Variants in IQSEC3 observed in about 807,000 individuals in gnomAD.
IQSEC3 encodes the protein IQ motif and Sec7 domain ArfGEF 3.
Under a neutral mutation model 105.4 loss-of-function variants are expected in IQSEC3, and 50 were observed. That is an observed-to-expected ratio of 0.47 (90% confidence interval 0.38 to 0.60). The LOEUF (loss-of-function observed/expected upper bound fraction) is 0.60, where lower values mean the gene tolerates loss of function less well. Ranked by LOEUF, IQSEC3 falls within the 20% of genes least tolerant of loss-of-function variation. The pLI is 0.00. For synonymous variants in IQSEC3, 708 were observed against 746.0 expected, an observed-to-expected ratio of 0.95 and a Z score of 0.83; for missense variants, 1,415 against 1,630.0, an observed-to-expected ratio of 0.87 and a Z score of 2.27.
chr12:87,786 A>G (rs782584711), intron 1 of IQSEC3, among the ~76,000 whole-genome samples: 2 of 152,236 alleles, frequency 1.3e-5, no homozygotes, highest in Admixed American at 1.3e-4. Context: ...GAAGGCAAAC[A>G]GCTCTTCCTT....
chr12:174,907 C>T lies in IQSEC3; in HGVS notation c.3423C>T (p.Val1141=). ...CCCTGGGCGGTCCCGGCTCTCCGGT[C>T]AAGGTCACCCACCAGCCTCCGCTGC... ...STPLGGPGSP[V]KVTHQPPLPP... Residue 1141 remains valine, a synonymous_variant, in exon 14 of 14, where the codon GTC becomes GTT. Transcript: ENST00000538872. 6.4e-7 allele frequency: 1 copy of T among 1,559,008 alleles called. No homozygotes were observed.
At chr12:70,989 A>C (rs748943053) in intron 1 of IQSEC3, among the ~76,000 whole-genome samples, 62 of 152,184 alleles carry the variant, frequency 4.1e-4, no homozygotes, top group Non-Finnish European at 8.1e-4. Flanking sequence ...CAAACACTTT[A>C]TCTCTCCCAT....
intron 1 of IQSEC3, among the ~76,000 whole-genome samples, chr12:75,681 C>T (rs1272584627): frequency 6.6e-6 from 1 of 152,248 alleles, no homozygotes; most frequent in Non-Finnish European, 1.5e-5. Flanking sequence ...AGATGAGAGT[C>T]AAACTCAACA....
intron 11 of IQSEC3, 134 bp downstream of exon 11, chr12:166,024 C>T: frequency 1.1e-6 from 1 of 924,652 alleles, no homozygotes; most frequent in Non-Finnish European, 1.6e-6. Flanking sequence ...GGCCCCACCG[C>T]ACCACACTCC....
intron 3 of IQSEC3, among the ~76,000 whole-genome samples, chr12:132,363 A>G (rs1230987617): frequency 1.3e-5 from 2 of 152,230 alleles, no homozygotes; most frequent in Middle Eastern, 3.4e-3. Context: ...TTAGGGTTGG[A>G]AAACCAGGAA....
Position 138,921 on chromosome 12 carries a change from G to A in IQSEC3, c.1558G>A (p.Ala520Thr), listed in dbSNP as rs781845077. The A allele has an allele frequency of 6.3e-6, 10 of 1,599,452 alleles. No individual in the cohort carries two copies. Among genetic ancestry groups the A allele is most frequent in the Non-Finnish European group, 8.5e-6 (10 of 1,174,008 alleles). Residue 520 changes from alanine to threonine, a missense_variant, in exon 4 of 14, where the codon GCA becomes ACA. Physicochemically the swap from Ala to Thr is moderately conservative, Grantham distance 58. Around this residue, in one of 6 missense-constraint regions of IQSEC3, gnomAD observed 720 missense variants for 633.0 expected, o/e 1.14. Coordinates refer to ENST00000538872, the MANE Select transcript of IQSEC3 (RefSeq NM_001170738.2). The surrounding 1 kb of genome is among the most constrained non-coding windows in gnomAD (Gnocchi z 7.1). ...GGGCGCTCAGACGGTCCAGGCCCCC[G>A]CAGAGCCCGCGGCGGGCAAGGCCGA... ...CLGAQTVQAP[A>T]EPAAGKAEQG...
chr12:124,318 G>A (rs577097578), intron 2 of IQSEC3, among the ~76,000 whole-genome samples: 1 of 151,488 alleles, frequency 6.6e-6, no homozygotes, highest in South Asian at 2.1e-4. Flanking sequence ...GAATCCAGGA[G>A]GTGGAGGTTG....
intron 2 of IQSEC3, among the ~76,000 whole-genome samples, chr12:118,794 C>T (rs868963378): frequency 2.6e-5 from 4 of 152,336 alleles, no homozygotes; most frequent in African/African-American, 7.2e-5. Flanking sequence ...CCCTCCTCTC[C>T]TGGCTCTCAC....
At chr12:117,982 G>C (rs369812551) in intron 2 of IQSEC3, among the ~76,000 whole-genome samples, 1 of 152,340 alleles carries the variant, frequency 6.6e-6, no homozygotes, top group African/African-American at 2.4e-5. Flanking sequence ...CGACACAGCG[G>C]GTGTGGCCAG....
chr12:133,331 C>T (rs1865658538), intron 3 of IQSEC3, among the ~76,000 whole-genome samples: 1 of 152,222 alleles, frequency 6.6e-6, no homozygotes, highest in Non-Finnish European at 1.5e-5. Flanking sequence ...GACTCGTAAT[C>T]AGCACACGTA....
Position 138,430 on chromosome 12 carries a change from T to TGCG in IQSEC3, c.1069_1071dup (p.Arg357dup). 2 of 1,607,426 alleles carry TGCG rather than the reference T, an allele frequency of 1.2e-6. No individual in the cohort carries two copies. Among genetic ancestry groups the TGCG allele is most frequent in the Non-Finnish European group, 1.7e-6 (2 of 1,179,646 alleles). On this transcript the variant is annotated inframe_insertion, in exon 4 of 14. Coordinates refer to ENST00000538872, the MANE Select transcript of IQSEC3 (RefSeq NM_001170738.2). This position sits in a 1 kb window ranked among gnomAD's most constrained non-coding sequence, Gnocchi z 7.1. ...CCACGGCGGATCTCCCTGCGCAAGG[T>TGCG]GCGGTCACCCACGGCCGAGAGCCTG...
Position 121,727 on chromosome 12 carries a change from C to A in IQSEC3, c.624-3906C>A, listed in dbSNP as rs567688557. 2.6e-5 allele frequency among the ~76,000 whole-genome samples: 4 copies of A among 152,236 alleles called. No individual in the cohort carries two copies. In the South Asian group the frequency reaches 6.2e-4, roughly 24 times the overall value. ...GAGAACACCCCCCCGCTACAGAATTCTTCATTTCATTTTTCTGGGGACTCC... is the reference window on the plus strand; with the variant it reads ...GAGAACACCCCCCCGCTACAGAATTATTCATTTCATTTTTCTGGGGACTCC... On this transcript the variant is annotated intron_variant, in intron 2 of 13. Coordinates refer to ENST00000538872, the MANE Select transcript of IQSEC3 (RefSeq NM_001170738.2).
Position 95,428 on chromosome 12 carries a change from G to A in IQSEC3, c.555-3718G>A, listed in dbSNP as rs186368053. ...AGTCTGTGAAATGGCATCAATATTT[G>A]TGTTGGTTTCTGACATCTTCCAGCT... On this transcript the variant is annotated intron_variant, in intron 1 of 13. Coordinates refer to ENST00000538872, the MANE Select transcript of IQSEC3 (RefSeq NM_001170738.2). 8.5e-4 allele frequency among the ~76,000 whole-genome samples: 129 copies of A among 152,266 alleles called. 1 individual carries two copies. The highest frequency in any genetic ancestry group is 6.8e-3 in the Middle Eastern group (2 of 294).
In IQSEC3 at chr12:169,039, A is replaced by C. The variant is rs1938826957; in HGVS notation, c.2998A>C (p.Lys1000Gln). ...GGAGCTGGAGAAGCAGCAGGGAACA[A>C]AGACACTCTCCTTCAAGCCCTGCGG... ...EWELEKQQGTKTLSFKPCGAQ... is the reference protein window; with the variant it reads ...EWELEKQQGTQTLSFKPCGAQ... The change falls in exon 12 of 14, where the codon AAG (lysine) becomes CAG (glutamine). Residue 1000 changes from lysine to glutamine, a missense_variant. Transcript: ENST00000538872. 6.2e-7 allele frequency: 1 copy of C among 1,613,932 alleles called. No individual in the cohort carries two copies. Among genetic ancestry groups the C allele is most frequent in the South Asian group, 1.1e-5 (1 of 91,080 alleles).
chr12:156,455 G>A (rs1403462877), intron 5 of IQSEC3, among the ~76,000 whole-genome samples: 2 of 151,956 alleles, frequency 1.3e-5, no homozygotes, highest in Non-Finnish European at 2.9e-5. Flanking sequence ...TGAGGGCTGG[G>A]GCAGCTGGGG....
chr12:130,162 C>T (rs932611357), intron 3 of IQSEC3, among the ~76,000 whole-genome samples: 21 of 152,192 alleles, frequency 1.4e-4, no homozygotes, highest in African/African-American at 5.1e-4. Context: ...CCTGGAGATG[C>T]TATGATGCAA....
intron 2 of IQSEC3, among the ~76,000 whole-genome samples, chr12:120,379 C>G (rs1865180157): frequency 6.6e-6 from 1 of 152,044 alleles, no homozygotes; most frequent in Non-Finnish European, 1.5e-5. Context: ...GTGGACAGGT[C>G]ACTCGGTGGG....
chr12:76,345 G>T (rs1452511755), intron 1 of IQSEC3, among the ~76,000 whole-genome samples: 11 of 152,388 alleles, frequency 7.2e-5, no homozygotes, highest in Middle Eastern at 3.4e-3. Context: ...CGGTGAGCAG[G>T]TGGTGCGCAG....
At chr12:141,343 C>A (rs1866019446) in intron 5 of IQSEC3, 58 bp downstream of exon 5, 2 of 1,557,924 alleles carry the variant, frequency 1.3e-6, no homozygotes, top group Non-Finnish European at 8.8e-7. Context: ...CCTGCCCGGG[C>A]TCTCTCTGTG....
Sources: gnomAD v4.1 joint callset for allele counts (sites outside exome capture counted in the v4.1 genomes callset) on GRCh38, gnomAD v4.1.1 for gene constraint, gnomAD v4.1.1 regional missense constraint, Gnocchi (gnomAD v3.1) non-coding constraint, MANE v1.5 for transcripts, NCBI Gene and HGNC (gene_info 2026-07-23, HGNC 2026-07-21) for gene names.